Variants in BCKDHB observed in about 807,000 individuals in gnomAD.
BCKDHB encodes 2-oxoisovalerate dehydrogenase subunit beta, mitochondrial.
BCKDHB carries 41 observed loss-of-function variants against 48.5 expected under a neutral mutation model. That is an observed-to-expected ratio of 0.85 (90% CI 0.66 to 1.10). The LOEUF (loss-of-function observed/expected upper bound fraction) is 1.10, where lower values mean the gene tolerates loss of function less well. Ranked by LOEUF, BCKDHB falls within the 50% of genes least tolerant of loss-of-function variation. The probability of loss-of-function intolerance (pLI) is 0.00; values close to 1 mark genes in which losing one functional copy is unlikely to be tolerated. For missense variants in BCKDHB, 496 were observed against 494.2 expected, an observed-to-expected ratio of 1.00 and a Z score of -0.03; for synonymous variants, 201 against 174.8, an observed-to-expected ratio of 1.15 and a Z score of -1.18.
At chr6:80,463,378 A>G in the BCKDHB span, among the ~76,000 whole-genome samples, 1 of 152,300 alleles carries the variant, frequency 6.6e-6, no homozygotes, top group Admixed American at 6.5e-5. Context: ...TTTCTTTGGC[A>G]ATGAAAAGTA....
chr6:80,463,612 A>G, the BCKDHB span, among the ~76,000 whole-genome samples: 1 of 152,064 alleles, frequency 6.6e-6, no homozygotes. Flanking sequence ...AAAATTTGAA[A>G]GGTTCTGGGA....
the BCKDHB span, among the ~76,000 whole-genome samples, chr6:80,401,535 T>C: frequency 1.3e-5 from 2 of 151,754 alleles, no homozygotes; most frequent in African/African-American, 4.8e-5. Context: ...CCTGGTGGGG[T>C]GTGATCTAAT....
the BCKDHB span, among the ~76,000 whole-genome samples, chr6:80,432,363 G>A: frequency 2.0e-5 from 3 of 152,080 alleles, no homozygotes; most frequent in Non-Finnish European, 4.4e-5. Flanking sequence ...ATATTTCTTG[G>A]AGGCTTTGCT....
At chr6:80,194,494 C>CT (rs2127811341) in intron 6 of BCKDHB, among the ~76,000 whole-genome samples, 1 of 152,252 alleles carries the variant, frequency 6.6e-6, no homozygotes, top group South Asian at 2.1e-4. Flanking sequence ...ATTTATCGTT[C>CT]TTTCTCCTTA....
intron 8 of BCKDHB, 60 bp downstream of exon 8, chr6:80,203,272 A>G (rs1382104193): frequency 8.7e-7 from 1 of 1,147,352 alleles, no homozygotes; most frequent in Admixed American, 1.7e-5. Context: ...AATATGTTGT[A>G]TATTTGCAAA....
intron 3 of BCKDHB, among the ~76,000 whole-genome samples, chr6:80,137,083 C>T (rs1459287963): frequency 6.6e-6 from 1 of 152,136 alleles, no homozygotes; most frequent in East Asian, 1.9e-4. Flanking sequence ...CCATATGATG[C>T]AGCAATATGC....
the BCKDHB span, among the ~76,000 whole-genome samples, chr6:80,425,424 CT>C: frequency 5.3e-5 from 8 of 152,130 alleles, no homozygotes; most frequent in Non-Finnish European, 1.0e-4. Context: ...GTTTTTTCAA[CT>C]GAAGAAATAT....
chr6:80,351,644 TC>T, the BCKDHB span, among the ~76,000 whole-genome samples: 6 of 74,336 alleles, frequency 8.1e-5, no homozygotes, highest in East Asian at 8.5e-4. Flanking sequence ...TTTTTTTTTT[TC>T]TTTTTTTTTT....
chr6:80,291,838 C>CA lies in BCKDHB; in HGVS notation c.1038+18618dup, dbSNP rs561695115. On this transcript the variant is annotated intron_variant, in intron 9 of 9. Coordinates refer to ENST00000320393, the MANE Select transcript of BCKDHB (RefSeq NM_183050.4). Reference sequence around the variant, plus strand: ...TTCAGTTTTATATTTTTACTAAAGACATAGTGGTAAGACCAAGTTGTTTTA... The same window carrying CA: ...TTCAGTTTTATATTTTTACTAAAGACAATAGTGGTAAGACCAAGTTGTTTTA... Among the ~76,000 whole-genome samples the CA allele has an allele frequency of 5.3e-5, 8 of 152,242 alleles. No homozygotes were observed. In the South Asian group the frequency reaches 1.7e-3, roughly 32 times the overall value.
the BCKDHB span, among the ~76,000 whole-genome samples, chr6:80,404,385 C>T: frequency 2.0e-5 from 3 of 151,620 alleles, no homozygotes; most frequent in Non-Finnish European, 4.4e-5. Context: ...TCTTCTATTC[C>T]TTTGTGTTTC....
the BCKDHB span, among the ~76,000 whole-genome samples, chr6:80,414,007 A>T: frequency 1.3e-5 from 2 of 152,142 alleles, no homozygotes; most frequent in Non-Finnish European, 2.9e-5. Context: ...CTGATGTGAG[A>T]TGGTATCTCG....
intron 8 of BCKDHB, among the ~76,000 whole-genome samples, chr6:80,218,699 A>G (rs759248775): frequency 1.3e-5 from 2 of 152,080 alleles, no homozygotes; most frequent in Admixed American, 6.6e-5. Context: ...ACCTCTCACT[A>G]TGTAAGAAGA....
chr6:80,298,162 G>T (rs1470449661), intron 9 of BCKDHB, among the ~76,000 whole-genome samples: 1 of 151,808 alleles, frequency 6.6e-6, no homozygotes, highest in South Asian at 2.1e-4. Context: ...ACCCTGGCTG[G>T]AGTGCAGTGA....
At chr6:80,375,750 T>G in the BCKDHB span, among the ~76,000 whole-genome samples, 1 of 152,200 alleles carries the variant, frequency 6.6e-6, no homozygotes, top group Non-Finnish European at 1.5e-5. Flanking sequence ...GCCTGAATTA[T>G]TTTTCTGGTT....
Position 80,168,871 on chromosome 6 carries a change from T to G in BCKDHB, c.478-4T>G, listed in dbSNP as rs1582275264. ...CATGCCCCGTCTTTCTTTCTGACCCTCAGATTGTTAATGAAGCTGCCAAGT... is the reference window on the plus strand; with the variant it reads ...CATGCCCCGTCTTTCTTTCTGACCCGCAGATTGTTAATGAAGCTGCCAAGT... On this transcript the variant is annotated splice_region_variant and splice_polypyrimidine_tract_variant and intron_variant, in intron 4 of 9. Coordinates refer to ENST00000320393, the MANE Select transcript of BCKDHB (RefSeq NM_183050.4). 12 of 1,614,014 alleles carry G rather than the reference T, an allele frequency of 7.4e-6. No homozygotes were observed. The highest frequency in any genetic ancestry group is 1.0e-5 in the Non-Finnish European group (12 of 1,179,960).
At chr6:80,272,014 C>T (rs1214671412) in intron 8 of BCKDHB, among the ~76,000 whole-genome samples, 2 of 152,042 alleles carry the variant, frequency 1.3e-5, no homozygotes, top group Non-Finnish European at 2.9e-5. Context: ...TAATTAATCA[C>T]AGTCATAGAA....
chr6:80,113,542 G>A (rs564650620), intron 1 of BCKDHB, among the ~76,000 whole-genome samples: 1 of 152,090 alleles, frequency 6.6e-6, no homozygotes, highest in Admixed American at 6.5e-5. Flanking sequence ...AGTTGGAAAG[G>A]GAAAAGAGAA....
chr6:80,141,982 A>G (rs966621354), intron 3 of BCKDHB, among the ~76,000 whole-genome samples: 4 of 152,072 alleles, frequency 2.6e-5, no homozygotes, highest in African/African-American at 9.7e-5. Flanking sequence ...TTCAGTATTT[A>G]GAATTTCTTG....
At chr6:80,196,520 A>G (rs958002856) in intron 6 of BCKDHB, among the ~76,000 whole-genome samples, 1 of 152,170 alleles carries the variant, frequency 6.6e-6, no homozygotes, top group Non-Finnish European at 1.5e-5. Context: ...CTCACAGTTG[A>G]GCGTGTGCTT....
Sources: allele counts gnomAD v4.1 joint callset (sites outside exome capture counted in the v4.1 genomes callset), GRCh38; gene constraint gnomAD v4.1.1; transcripts MANE v1.5; gene names NCBI Gene and HGNC (gene_info 2026-07-23, HGNC 2026-07-21).